The following DCDC2C variants were observed in gnomAD, a reference collection of about 807,000 sequenced individuals.
DCDC2C encodes doublecortin domain containing 2C, also known as doublecortin domain-containing protein 2C.
A neutral mutation model predicts 45.0 loss-of-function variants in DCDC2C; 44 were observed. The ratio of observed to expected loss-of-function variants is 0.98; its 90% CI spans 0.77 to 1.26. The LOEUF is 1.26. DCDC2C is among the 50% of genes most tolerant of loss of function. The probability of loss-of-function intolerance (pLI) is 0.00; values close to 1 mark genes in which losing one functional copy is unlikely to be tolerated. For missense variants in DCDC2C, 447 were observed against 468.9 expected, an observed-to-expected ratio of 0.95 and a Z score of 0.43; for synonymous variants, 187 against 178.8, an observed-to-expected ratio of 1.05 and a Z score of -0.37.
At chr2:3,843,015 C>T (rs1483447893) in intron 10 of DCDC2C, among the ~76,000 whole-genome samples, 2 of 152,156 alleles carry the variant, frequency 1.3e-5, no homozygotes, top group South Asian at 2.1e-4. Flanking sequence ...GCCATGCCCT[C>T]GTCTGTCAAT....
At chr2:3,778,786 T>C (rs1670425259) in intron 8 of DCDC2C, 30 bp from the exon 9 acceptor site, 1 of 1,546,554 alleles carries the variant, frequency 6.5e-7, no homozygotes, top group South Asian at 1.2e-5. Context: ...ACATAAGTAG[T>C]TGATAAAATG....
chr2:3,795,927 G>T (rs1226636743), intron 10 of DCDC2C, among the ~76,000 whole-genome samples: 1 of 112,486 alleles, frequency 8.9e-6, no homozygotes, highest in Non-Finnish European at 1.8e-5. Context: ...AGCTTGATGG[G>T]GATGGCATTG....
At chr2:3,800,633 G>A (rs1671090526) in intron 10 of DCDC2C, among the ~76,000 whole-genome samples, 4 of 123,960 alleles carry the variant, frequency 3.2e-5, no homozygotes, top group Non-Finnish European at 3.8e-5. Context: ...ATAATCGTGT[G>A]GCTTCAATGC....
At chr2:3,812,218 T>G (rs943503056) in intron 10 of DCDC2C, among the ~76,000 whole-genome samples, 10 of 152,062 alleles carry the variant, frequency 6.6e-5, no homozygotes, top group Non-Finnish European at 1.5e-4. Context: ...GGGCTTTTTT[T>G]TTTTTGGTTG....
intron 4 of DCDC2C, 193 bp from the exon 5 acceptor site, chr2:3,752,570 A>G: frequency 1.4e-6 from 1 of 705,162 alleles, no homozygotes; most frequent in Non-Finnish European, 2.5e-6. Context: ...CTAAAAGTGG[A>G]AAGCAAGTCT....
At chr2:3,707,951 GTAT>G (rs1668111008) in intron 1 of DCDC2C, among the ~76,000 whole-genome samples, 2 of 152,138 alleles carry the variant, frequency 1.3e-5, no homozygotes, top group South Asian at 4.2e-4. Context: ...AAATTTGAAG[GTAT>G]TATTTATTAC....
chr2:3,755,293 ATG>A (rs1173759805), intron 6 of DCDC2C, among the ~76,000 whole-genome samples: 12 of 150,602 alleles, frequency 8.0e-5, no homozygotes, highest in African/African-American at 2.2e-4. Context: ...ATGTGGATGC[ATG>A]TGTGTGCATA....
At chr2:3,779,928 G>A (rs952294389) in intron 9 of DCDC2C, among the ~76,000 whole-genome samples, 2 of 152,148 alleles carry the variant, frequency 1.3e-5, no homozygotes, top group African/African-American at 4.8e-5. Flanking sequence ...TTGTTGGAAG[G>A]GATATGGGTC....
chr2:3,754,534 A>G lies in DCDC2C; in HGVS notation c.684-58A>G, dbSNP rs921802591. ...AAGACAAGGCTGCAGTCTGCATTTT[A>G]TAGAGATAACTTAGGGCCGGGCTTT... On this transcript the variant is annotated intron_variant, in intron 5 of 10. Transcript: ENST00000399143. 8.5e-6 allele frequency: 13 copies of G among 1,526,136 alleles called. No homozygotes were observed. In the African/African-American group the frequency reaches 1.7e-4, roughly 20 times the overall value. 94.5% of individuals were successfully genotyped at this position (1,526,136 alleles called of 1,614,324 possible).
chr2:3,845,382 C>T (rs1672302892), intron 10 of DCDC2C, among the ~76,000 whole-genome samples: 1 of 152,200 alleles, frequency 6.6e-6, no homozygotes, highest in African/African-American at 2.4e-5. Context: ...GGCTGAGCTT[C>T]TTGACGGTTA....
In DCDC2C at chr2:3,738,540, G is replaced by GGAAAA. The variant is rs1553373461; in HGVS notation, c.417-3380_417-3379insGAAAA. 5.6e-5 allele frequency among the ~76,000 whole-genome samples: 4 copies of GGAAAA among 71,978 alleles called. 1 individual carries two copies. The highest frequency in any genetic ancestry group is 2.2e-4 in the African/African-American group (4 of 18,166). The allele number at this position is 71,978 out of a possible 152,430, so 47.2% of individuals were successfully genotyped here. On this transcript the variant is annotated intron_variant, in intron 3 of 10. Coordinates refer to ENST00000399143, the MANE Select transcript of DCDC2C (RefSeq NM_001287444.2). ...ACATTTTTTCTGCTGGTCTATCTGG[G>GGAAAA]AAAAAAAAAAAAAAAAAAAAAAAAA...
chr2:3,801,313 C>T (rs1318101160), intron 10 of DCDC2C, among the ~76,000 whole-genome samples: 1 of 152,190 alleles, frequency 6.6e-6, no homozygotes, highest in Non-Finnish European at 1.5e-5. Flanking sequence ...CGTAACCTGT[C>T]CCAGGCCGTG....
intron 10 of DCDC2C, among the ~76,000 whole-genome samples, chr2:3,798,309 CT>C (rs1243231916): frequency 2.6e-5 from 4 of 151,378 alleles, no homozygotes; most frequent in African/African-American, 9.7e-5. Flanking sequence ...ACTGATGGGT[CT>C]TGACTCTTTA....
intron 2 of DCDC2C, among the ~76,000 whole-genome samples, chr2:3,712,911 G>T (rs921967175): frequency 6.6e-6 from 1 of 152,170 alleles, no homozygotes; most frequent in Admixed American, 6.5e-5. Context: ...TGTGGCTTAT[G>T]TTCTCAGCAT....
At chr2:3,760,438 T>C (rs1180138199) in intron 6 of DCDC2C, among the ~76,000 whole-genome samples, 1 of 152,132 alleles carries the variant, frequency 6.6e-6, no homozygotes, top group Non-Finnish European at 1.5e-5. Flanking sequence ...CAAATGCCCA[T>C]CAATGATAGA....
chr2:3,741,721 ACG>A (rs916798184), intron 3 of DCDC2C, among the ~76,000 whole-genome samples, 197 bp from the exon 4 acceptor site: 2 of 149,440 alleles, frequency 1.3e-5, no homozygotes, highest in African/African-American at 2.6e-5. Flanking sequence ...GTATACACAC[ACG>A]CGCGCGTCTG....
chr2:3,739,554 G>A lies in DCDC2C; in HGVS notation c.417-2366G>A, dbSNP rs185201335. On this transcript the variant is annotated intron_variant, in intron 3 of 10. Coordinates refer to ENST00000399143, the MANE Select transcript of DCDC2C (RefSeq NM_001287444.2). ...ACAGGCACCGGCACACCGGCAGGCC[G>A]CCGACCGGCAGAACGACACAGAGTT... 2.6e-5 allele frequency among the ~76,000 whole-genome samples: 4 copies of A among 152,368 alleles called. No individual in the cohort carries two copies. In the East Asian group the frequency reaches 7.7e-4, roughly 29 times the overall value.
intron 4 of DCDC2C, among the ~76,000 whole-genome samples, chr2:3,744,413 G>A (rs565769180): frequency 6.6e-6 from 1 of 152,294 alleles, no homozygotes; most frequent in Non-Finnish European, 1.5e-5. Context: ...GGCTGCAGAG[G>A]CAAGGTCGAG....
At chr2:3,793,756 G>A (rs1442046783) in intron 10 of DCDC2C, among the ~76,000 whole-genome samples, 2 of 152,274 alleles carry the variant, frequency 1.3e-5, no homozygotes, top group South Asian at 4.1e-4. Flanking sequence ...ATGCAGCAAG[G>A]TGTAGACCAG....
Sources: allele counts gnomAD v4.1 joint callset (sites outside exome capture counted in the v4.1 genomes callset), GRCh38; gene constraint gnomAD v4.1.1; transcripts MANE v1.5; gene names NCBI Gene and HGNC (gene_info 2026-07-23, HGNC 2026-07-21).